Variants in OXR1 observed in about 807,000 individuals in gnomAD.
The protein encoded by OXR1 is oxidation resistance 1, also known as oxidation resistance protein 1.
A neutral mutation model predicts 104.6 loss-of-function variants in OXR1; 41 were observed. The observed-to-expected ratio is 0.39, with a 90% CI of 0.31 to 0.51. OXR1 has a LOEUF of 0.51. OXR1 is among the 20% of genes least tolerant of loss of function. The pLI is 0.77. For synonymous variants in OXR1, 348 were observed against 348.4 expected (o/e 1.00, Z 0.01); for missense variants, 955 against 1,031.9 (o/e 0.93, Z 1.02).
chr8:106,747,976 T>A (rs1395867557), intron 16 of OXR1, among the ~76,000 whole-genome samples: 1 of 152,188 alleles, frequency 6.6e-6, no homozygotes, highest in Non-Finnish European at 1.5e-5. Flanking sequence ...AGCAGAAGGT[T>A]TTTATGAGCA....
At chr8:106,577,379 T>A (rs1007534105) in intron 3 of OXR1, among the ~76,000 whole-genome samples, 24 of 22,346 alleles carry the variant, frequency 1.1e-3, no homozygotes, top group South Asian at 6.4e-3. Flanking sequence ...CCCAGCTAAC[T>A]TTTTTTTTTT....
At chr8:106,380,794 T>G (rs1483599892) in intron 2 of OXR1, among the ~76,000 whole-genome samples, 1 of 152,198 alleles carries the variant, frequency 6.6e-6, no homozygotes, top group Non-Finnish European at 1.5e-5. Context: ...GCTCATATTT[T>G]ACTTGGGTTA....
intron 2 of OXR1, among the ~76,000 whole-genome samples, chr8:106,505,388 A>G (rs2129983072): frequency 6.6e-6 from 1 of 152,334 alleles, no homozygotes; most frequent in Admixed American, 6.5e-5. Flanking sequence ...TGTATTGGAT[A>G]CATAAAAGAA....
chr8:106,704,407 T>C (rs1489089251), intron 8 of OXR1, among the ~76,000 whole-genome samples: 6 of 107,896 alleles, frequency 5.6e-5, no homozygotes, highest in African/African-American at 1.0e-4. Context: ...TTTTTTTTTT[T>C]TTTTTTTTTT....
At chr8:106,509,579 G>C (rs571533423) in intron 2 of OXR1, among the ~76,000 whole-genome samples, 159 of 152,272 alleles carry the variant, frequency 1.0e-3, no homozygotes, top group Non-Finnish European at 2.0e-3. Context: ...TGATTTTAGA[G>C]CCCTTGCCCT....
At chr8:106,355,313 C>T (rs1447833145) in intron 1 of OXR1, among the ~76,000 whole-genome samples, 1 of 151,938 alleles carries the variant, frequency 6.6e-6, no homozygotes, top group East Asian at 1.9e-4. Flanking sequence ...GATTATGAAT[C>T]ACCAAAATGA....
chr8:106,335,860 C>A (rs1029564384), intron 1 of OXR1, among the ~76,000 whole-genome samples: 1 of 152,062 alleles, frequency 6.6e-6, no homozygotes, highest in African/African-American at 2.4e-5. Flanking sequence ...CTTTGGGAAG[C>A]CGAGGCAGGT....
intron 1 of OXR1, among the ~76,000 whole-genome samples, chr8:106,303,118 T>C (rs796235877): frequency 2.0e-5 from 3 of 152,102 alleles, no homozygotes; most frequent in African/African-American, 7.2e-5. Context: ...GTTAGCCTAA[T>C]ATTTCAGTTT....
chr8:106,589,757 C>T (rs1326751062), intron 3 of OXR1, among the ~76,000 whole-genome samples: 1 of 152,122 alleles, frequency 6.6e-6, no homozygotes, highest in Non-Finnish European at 1.5e-5. Flanking sequence ...ACTCCCGCCT[C>T]CCAGGTTCAA....
At chr8:106,528,590 T>C (rs182532674) in intron 3 of OXR1, among the ~76,000 whole-genome samples, 5 of 152,296 alleles carry the variant, frequency 3.3e-5, no homozygotes, top group East Asian at 3.9e-4. Flanking sequence ...GCAAGACACA[T>C]ATTTAACTGC....
intron 7 of OXR1, among the ~76,000 whole-genome samples, chr8:106,694,753 A>T (rs1243843607): frequency 1.5e-4 from 17 of 111,520 alleles, no homozygotes; most frequent in African/African-American, 4.6e-4. Flanking sequence ...TTTATATATT[A>T]ATATATATAT....
At chr8:106,381,437 TG>T (rs1654018745) in intron 2 of OXR1, among the ~76,000 whole-genome samples, 1 of 151,900 alleles carries the variant, frequency 6.6e-6, no homozygotes, top group African/African-American at 2.4e-5. Context: ...AAGGAAAGTG[TG>T]TGGGGAGGGA....
At chr8:106,665,355 G>GACAAC (rs1826179789) in intron 3 of OXR1, among the ~76,000 whole-genome samples, 1 of 152,186 alleles carries the variant, frequency 6.6e-6, no homozygotes, top group African/African-American at 2.4e-5. Context: ...ACTCCACACA[G>GACAAC]ACAGTGGCCT....
At chr8:106,615,895 G>A (rs902239602) in intron 3 of OXR1, among the ~76,000 whole-genome samples, 1 of 152,072 alleles carries the variant, frequency 6.6e-6, no homozygotes, top group Non-Finnish European at 1.5e-5. Context: ...CTTTGTAAAC[G>A]ATAAAACATT....
intron 2 of OXR1, among the ~76,000 whole-genome samples, chr8:106,486,342 C>T (rs1046460562): frequency 6.6e-6 from 1 of 152,072 alleles, no homozygotes; most frequent in Non-Finnish European, 1.5e-5. Flanking sequence ...ACAAGCTGCA[C>T]GCCATGTTTC....
chr8:106,713,751 T>C, intron 10 of OXR1, 72 bp from the exon 11 acceptor site: 1 of 840,574 alleles, frequency 1.2e-6, no homozygotes, highest in Non-Finnish European at 1.7e-6. Flanking sequence ...TATCAAGATA[T>C]TTTACAAATA....
At chr8:106,358,908 GTAATTTAATTCACTAAATAATTTAGTGAA>G (rs1816108349) in intron 1 of OXR1, among the ~76,000 whole-genome samples, 1 of 147,264 alleles carries the variant, frequency 6.8e-6, no homozygotes, top group Admixed American at 7.0e-5. Flanking sequence ...AATTTAGTGA[GTAATTTAATTCACTAAATAATTTAGTGAA>G]TAATTTAATT....
chr8:106,463,344 G>A (rs777856284), intron 2 of OXR1, among the ~76,000 whole-genome samples: 43 of 152,016 alleles, frequency 2.8e-4, no homozygotes, highest in Non-Finnish European at 4.9e-4. Context: ...GTTTTTCTCT[G>A]TTAAGTCAGG....
intron 3 of OXR1, among the ~76,000 whole-genome samples, chr8:106,606,126 A>T (rs866515800): frequency 6.6e-6 from 1 of 152,140 alleles, no homozygotes; most frequent in African/African-American, 2.4e-5. Context: ...TCGAGGTGTC[A>T]GTAGGTCTGT....
Sources: gnomAD v4.1 joint callset for allele counts (sites outside exome capture counted in the v4.1 genomes callset) on GRCh38, gnomAD v4.1.1 for gene constraint, MANE v1.5 for transcripts, NCBI Gene and HGNC (gene_info 2026-07-23, HGNC 2026-07-21) for gene names.